Variants in CPNE4 observed in about 807,000 individuals in gnomAD.
CPNE4 encodes copine 4.
In CPNE4, 25 loss-of-function variants were observed where a neutral mutation model predicts 67.9. The observed-to-expected ratio is 0.37, with a 90% CI of 0.27 to 0.51. The LOEUF (loss-of-function observed/expected upper bound fraction) is 0.51, where lower values mean the gene tolerates loss of function less well. Among genes scored for constraint, CPNE4 ranks in the 20% least tolerant of loss-of-function variants. CPNE4 has a pLI of 0.93. For missense variants in CPNE4, 464 were observed against 690.8 expected (o/e 0.67, Z 3.68); for synonymous variants, 242 against 244.9 (o/e 0.99, Z 0.11).
At chr3:131,779,848 T>A (rs2083389414) in intron 2 of CPNE4, among the ~76,000 whole-genome samples, 1 of 151,990 alleles carries the variant, frequency 6.6e-6, no homozygotes, top group Non-Finnish European at 1.5e-5. Flanking sequence ...GGGACATAAT[T>A]AAACTAAAGA....
intron 7 of CPNE4, among the ~76,000 whole-genome samples, chr3:131,621,535 C>G (rs749702380): frequency 1.3e-5 from 2 of 152,142 alleles, no homozygotes; most frequent in Non-Finnish European, 2.9e-5. Context: ...CATGAGCCAC[C>G]ATGCCCAGCC....
chr3:131,805,602 A>T (rs947759380), intron 2 of CPNE4, among the ~76,000 whole-genome samples: 13 of 152,192 alleles, frequency 8.5e-5, no homozygotes, highest in African/African-American at 3.1e-4. Context: ...CATCTTGAAG[A>T]CTGCCTCCCT....
At chr3:131,792,696 C>CACACGTGTATATATGTAT (rs1560322840) in intron 2 of CPNE4, among the ~76,000 whole-genome samples, 3 of 44,544 alleles carry the variant, frequency 6.7e-5, no homozygotes, top group East Asian at 6.6e-4. Context: ...TGTATATATA[C>CACACGTGTATATATGTAT]ATATACACAC....
At chr3:131,934,575 CCT>C (rs1194807218) in intron 1 of CPNE4, among the ~76,000 whole-genome samples, 3 of 152,120 alleles carry the variant, frequency 2.0e-5, no homozygotes, top group African/African-American at 7.2e-5. Context: ...CCCCCCACCC[CCT>C]GACAGGCCCC....
chr3:131,627,195 A>AAT (rs2079098435), intron 7 of CPNE4, among the ~76,000 whole-genome samples: 1 of 136,270 alleles, frequency 7.3e-6, no homozygotes, highest in Non-Finnish European at 1.5e-5. Flanking sequence ...CTCCATCTCA[A>AAT]AAAAAAAAAA....
intron 2 of CPNE4, among the ~76,000 whole-genome samples, chr3:131,794,948 A>T (rs1242034630): frequency 6.6e-6 from 1 of 152,166 alleles, no homozygotes; most frequent in Non-Finnish European, 1.5e-5. Flanking sequence ...CCCATCTTCA[A>T]CCACCAGAGG....
At chr3:131,555,219 T>G (rs1473768983) in intron 12 of CPNE4, among the ~76,000 whole-genome samples, 2 of 151,972 alleles carry the variant, frequency 1.3e-5, no homozygotes, top group South Asian at 2.1e-4. Flanking sequence ...ACTTCTTGAG[T>G]GTTTTCTCAG....
intron 7 of CPNE4, among the ~76,000 whole-genome samples, chr3:131,654,689 A>G (rs1217397007): frequency 6.6e-6 from 1 of 152,222 alleles, no homozygotes; most frequent in Non-Finnish European, 1.5e-5. Flanking sequence ...CAACTCAGGA[A>G]GGCATGCGAT....
chr3:131,713,911 C>A (rs562311051), intron 3 of CPNE4, among the ~76,000 whole-genome samples: 4 of 152,012 alleles, frequency 2.6e-5, no homozygotes, highest in African/African-American at 9.7e-5. Flanking sequence ...AAAAAAATGG[C>A]ACTACTTCCC....
chr3:131,786,381 A>G (rs2083563445), intron 2 of CPNE4, among the ~76,000 whole-genome samples: 2 of 152,174 alleles, frequency 1.3e-5, no homozygotes, highest in South Asian at 4.1e-4. Flanking sequence ...GAAGTGAAAC[A>G]TACTTCAGAC....
chr3:131,747,824 C>G (rs1375772672), intron 2 of CPNE4, among the ~76,000 whole-genome samples: 1 of 152,046 alleles, frequency 6.6e-6, no homozygotes, highest in East Asian at 1.9e-4. Flanking sequence ...TTCTTACTTT[C>G]CTATTTTTAT....
intron 3 of CPNE4, among the ~76,000 whole-genome samples, chr3:131,703,457 A>G (rs79204943): frequency 0.051 from 7,826 of 152,260 alleles, 516 homozygotes; most frequent in East Asian, 0.28. Flanking sequence ...TAGTACCATT[A>G]GCCCTCTTAT....
chr3:131,960,979 A>G (rs1391785510), intron 1 of CPNE4, among the ~76,000 whole-genome samples: 1 of 152,184 alleles, frequency 6.6e-6, no homozygotes, highest in Non-Finnish European at 1.5e-5. Context: ...GCAGGCATAC[A>G]AGCTTGGTCC....
At chr3:131,999,241 T>TAAAAAAAAAAAAAAAAAAAAAAAAAAA (rs79127364) in intron 1 of CPNE4, among the ~76,000 whole-genome samples, 3 of 98,834 alleles carry the variant, frequency 3.0e-5, no homozygotes, top group African/African-American at 1.1e-4. Flanking sequence ...TTATCCAAGG[T>TAAAAAAAAAAAAAAAAAAAAAAAAAAA]AAAAAAAAAA....
intron 1 of CPNE4, among the ~76,000 whole-genome samples, chr3:131,952,569 T>G (rs2071787921): frequency 3.8e-5 from 3 of 78,472 alleles, no homozygotes; most frequent in South Asian, 3.9e-4. Flanking sequence ...GGGAGGGAGG[T>G]GGGGGGGTCA....
chr3:131,665,678 A>AACAAACAAACAAACAT (rs1190094679), intron 7 of CPNE4, among the ~76,000 whole-genome samples: 1 of 151,840 alleles, frequency 6.6e-6, no homozygotes, highest in Non-Finnish European at 1.5e-5. Context: ...CAAACAAACA[A>AACAAACAAACAAACAT]ACAAACAAAA....
At chr3:131,669,563 G>T (rs753514926) in intron 7 of CPNE4, 112 bp downstream of exon 7, 2 of 756,288 alleles carry the variant, frequency 2.6e-6, no homozygotes, top group East Asian at 2.6e-5. Flanking sequence ...AGATGAGAGG[G>T]TTGGGTACAG....
At chr3:131,614,079 A>T (rs1390266041) in intron 7 of CPNE4, among the ~76,000 whole-genome samples, 1 of 152,122 alleles carries the variant, frequency 6.6e-6, no homozygotes, top group Admixed American at 6.5e-5. Flanking sequence ...TGTCTTGAGG[A>T]TTTTATTGGT....
At chr3:131,736,113 T>G (rs982841594) in intron 2 of CPNE4, among the ~76,000 whole-genome samples, 3 of 152,200 alleles carry the variant, frequency 2.0e-5, no homozygotes, top group Admixed American at 6.5e-5. Flanking sequence ...TGTTCAGGCA[T>G]GAGTCTCAGG....
Sources: allele counts gnomAD v4.1 joint callset (sites outside exome capture counted in the v4.1 genomes callset), GRCh38; gene constraint gnomAD v4.1.1; transcripts MANE v1.5; gene names NCBI Gene and HGNC (gene_info 2026-07-23, HGNC 2026-07-21).